Variants in LYZL1 observed in about 807,000 individuals in gnomAD.
LYZL1 encodes the protein lysozyme-like protein 1.
LYZL1 carries 16 observed loss-of-function variants against 17.9 expected under a neutral mutation model. The ratio of observed to expected loss-of-function variants is 0.90; its 90% CI spans 0.61 to 1.36. The LOEUF is 1.36. Ranked by LOEUF, LYZL1 falls within the 40% of genes most tolerant of loss-of-function variation. The pLI, the probability that LYZL1 is intolerant of heterozygous loss-of-function variation, is 0.00. For synonymous variants in LYZL1, 58 were observed against 71.8 expected (o/e 0.81, Z 0.97); for missense variants, 149 against 188.4 (o/e 0.79, Z 1.22).
intron 1 of LYZL1, among the ~76,000 whole-genome samples, chr10:29,290,565 G>T (rs1371576732): frequency 6.6e-6 from 1 of 152,176 alleles, no homozygotes; most frequent in Non-Finnish European, 1.5e-5. Context: ...TTTGGGCTGG[G>T]CATGGTGGCT....
At chr10:29,312,938 C>T (rs1835690101), downstream of LYZL1, among the ~76,000 whole-genome samples, 1 of 152,118 alleles carries the variant, frequency 6.6e-6, no homozygotes, top group South Asian at 2.1e-4. Context: ...GTAAGTTTCC[C>T]ACTTAGAAGA....
downstream of LYZL1, among the ~76,000 whole-genome samples, chr10:29,315,610 T>C (rs1835721069): frequency 6.6e-6 from 1 of 151,994 alleles, no homozygotes; most frequent in Non-Finnish European, 1.5e-5. Flanking sequence ...CCTAACACTT[T>C]GCCGAGGTGG....
chr10:29,311,996 C>T (rs1324953016), downstream of LYZL1, among the ~76,000 whole-genome samples: 4 of 149,714 alleles, frequency 2.7e-5, no homozygotes, highest in East Asian at 2.0e-4. Flanking sequence ...GTTTTTTTTC[C>T]GGAGTAAAAA....
intron 3 of LYZL1, among the ~76,000 whole-genome samples, chr10:29,293,637 T>G (rs1369686434): frequency 6.6e-6 from 1 of 151,184 alleles, no homozygotes; most frequent in Non-Finnish European, 1.5e-5. Context: ...TAAGGAGGAG[T>G]GCGCTGAGTG....
intron 2 of LYZL1, among the ~76,000 whole-genome samples, 197 bp from the exon 3 acceptor site, chr10:29,292,322 T>C (rs1209256423): frequency 6.6e-6 from 1 of 151,462 alleles, no homozygotes; most frequent in East Asian, 2.0e-4. Context: ...CCTGACTGGG[T>C]GTACAGCTTC....
intron 4 of LYZL1, 121 bp from the exon 5 acceptor site, chr10:29,310,869 C>A: frequency 6.8e-7 from 1 of 1,461,178 alleles, no homozygotes. Flanking sequence ...AGCTCAGAAG[C>A]AAATGAAACC....
In LYZL1 at chr10:29,303,452, G is replaced by A. The variant is rs142027807; in HGVS notation, c.299-6658G>A. Among the ~76,000 whole-genome samples the A allele has an allele frequency of 6.1e-3, 932 of 152,170 alleles. 8 individuals carry two copies. The highest frequency in any genetic ancestry group is 0.016 in the South Asian group (79 of 4,820). ...TTTCATCTATTTTGTCTAGTCTTCTGGTTGTTTACAGTGGGAAGAGAAATC... is the reference window on the plus strand; with the variant it reads ...TTTCATCTATTTTGTCTAGTCTTCTAGTTGTTTACAGTGGGAAGAGAAATC... On this transcript the variant is annotated intron_variant, in intron 3 of 4. Coordinates refer to ENST00000649382, the MANE Select transcript of LYZL1 (RefSeq NM_032517.6).
At chr10:29,304,246 C>T (rs573083494) in intron 3 of LYZL1, among the ~76,000 whole-genome samples, 1 of 152,254 alleles carries the variant, frequency 6.6e-6, no homozygotes, top group South Asian at 2.1e-4. Context: ...TACAAAATGC[C>T]TGATGTGATG....
intron 3 of LYZL1, among the ~76,000 whole-genome samples, chr10:29,295,475 A>G (rs565975942): frequency 2.0e-5 from 3 of 152,264 alleles, no homozygotes; most frequent in African/African-American, 7.2e-5. Flanking sequence ...GAGCTCACCA[A>G]TGGAGTCTTT....
chr10:29,291,679 T>C (rs1374008075), intron 1 of LYZL1, among the ~76,000 whole-genome samples, 164 bp from the exon 2 acceptor site: 456 of 150,068 alleles, frequency 3.0e-3, no homozygotes, highest in East Asian at 7.6e-3. Context: ...AGCCTTCAGT[T>C]GCCTTCCTTC....
intron 3 of LYZL1, among the ~76,000 whole-genome samples, chr10:29,299,172 G>T (rs527439081): frequency 4.0e-4 from 61 of 152,288 alleles, no homozygotes; most frequent in Admixed American, 1.2e-3. Context: ...AGCTCAGGTG[G>T]TAATGCAACC....
intron 1 of LYZL1, among the ~76,000 whole-genome samples, chr10:29,291,365 G>T (rs1481710176): frequency 6.6e-6 from 1 of 151,812 alleles, no homozygotes; most frequent in Non-Finnish European, 1.5e-5. Context: ...CACTGAGCAG[G>T]CTGAGGTGGA....
chr10:29,307,114 A>G (rs1378481107), intron 3 of LYZL1, among the ~76,000 whole-genome samples: 1 of 152,118 alleles, frequency 6.6e-6, no homozygotes, highest in Non-Finnish European at 1.5e-5. Context: ...TCGGCCTCCC[A>G]AAGTGCTGGG....
chr10:29,293,107 C>CT (rs200422181), intron 3 of LYZL1, among the ~76,000 whole-genome samples: 2,322 of 124,318 alleles, frequency 0.019, 75 homozygotes, highest in African/African-American at 0.061. Context: ...TCTTTTCTTT[C>CT]TTTTTTTTTC....
rs575327111 is a variant in LYZL1 at position 29,292,097 on chromosome 10, C to A, written c.139+91C>A. The A allele has an allele frequency of 4.6e-6, 7 of 1,527,770 alleles. No individual in the cohort carries two copies. The East Asian group carries it at 1.4e-4, about 30-fold the overall frequency. 94.6% of individuals were successfully genotyped at this position (1,527,770 alleles called of 1,614,324 possible). Reference sequence around the variant, plus strand: ...GGCCACACTCCCTGCTGTGTCTTCCCAACTACCCCTGCTCTGCCCTCACCG... The same window carrying A: ...GGCCACACTCCCTGCTGTGTCTTCCAAACTACCCCTGCTCTGCCCTCACCG... On this transcript the variant is annotated intron_variant, in intron 2 of 4. Transcript: ENST00000649382.
At chr10:29,307,668 A>AT (rs1835614377) in intron 3 of LYZL1, among the ~76,000 whole-genome samples, 1 of 152,248 alleles carries the variant, frequency 6.6e-6, no homozygotes, top group Admixed American at 6.5e-5. Context: ...GGAAAACATA[A>AT]TTTAAATGGC....
chr10:29,296,304 T>C (rs1835445469), intron 3 of LYZL1, among the ~76,000 whole-genome samples: 1 of 152,074 alleles, frequency 6.6e-6, no homozygotes, highest in Admixed American at 6.5e-5. Flanking sequence ...GACATCTGAA[T>C]CCTAAATCAG....
At position 29,292,019 on chromosome 10, in the gene LYZL1, C is replaced by A. The variant is rs1359644367; in HGVS notation, c.139+13C>A. On this transcript the variant is annotated intron_variant, in intron 2 of 4. Transcript: ENST00000649382. ...AGCCTTGGAAACTGTGAGACTCTTT[C>A]TTTCCTGCTCTCCTTCTGTCCTTGA... The A allele has an allele frequency of 4.8e-6, 6 of 1,262,256 alleles. No individual in the cohort carries two copies. The highest frequency in any genetic ancestry group is 2.5e-5 in the East Asian group (1 of 40,464). The allele number at this position is 1,262,256 out of a possible 1,614,324, so 78.2% of individuals were successfully genotyped here.
intron 3 of LYZL1, among the ~76,000 whole-genome samples, chr10:29,294,755 T>C (rs1456799669): frequency 2.0e-5 from 3 of 152,188 alleles, no homozygotes; most frequent in Non-Finnish European, 4.4e-5. Flanking sequence ...CTCTCCTTAT[T>C]GAAGGGAGAT....
Sources: allele counts gnomAD v4.1 joint callset (sites outside exome capture counted in the v4.1 genomes callset), GRCh38; gene constraint gnomAD v4.1.1; transcripts MANE v1.5; gene names NCBI Gene and HGNC (gene_info 2026-07-23, HGNC 2026-07-21).